The following SCP2 variants were observed in gnomAD, a reference collection of about 807,000 sequenced individuals.
The protein encoded by SCP2 is SCP-2/3-oxoacyl-CoA thiolase.
Under a neutral mutation model 71.4 loss-of-function variants are expected in SCP2, and 48 were observed. That is an observed-to-expected ratio of 0.67 (90% CI 0.53 to 0.86). SCP2 has a LOEUF of 0.86. Among genes scored for constraint, SCP2 ranks in the 40% least tolerant of loss-of-function variants. SCP2 has a pLI of 0.00. For missense variants in SCP2, 560 were observed against 655.6 expected, an observed-to-expected ratio of 0.85 and a Z score of 1.59; for synonymous variants, 220 against 218.1, an observed-to-expected ratio of 1.01 and a Z score of -0.08.
chr1:53,041,971 A>T (rs1663468603), intron 14 of SCP2, among the ~76,000 whole-genome samples: 3 of 144,902 alleles, frequency 2.1e-5, no homozygotes, highest in Admixed American at 2.0e-4. Context: ...GTCCGGAGAA[A>T]AAGTGAAGAG....
chr1:53,042,667 A>T (rs1020066429), intron 14 of SCP2, among the ~76,000 whole-genome samples: 2 of 152,208 alleles, frequency 1.3e-5, no homozygotes, highest in Non-Finnish European at 1.5e-5. Context: ...TTTGTTAGAG[A>T]TTAGCTACAT....
At position 53,050,711 on chromosome 1, in the gene SCP2, C is replaced by A. The variant is rs10888761; in HGVS notation, c.*7C>A. On this transcript the variant is annotated 3_prime_UTR_variant, in exon 16 of 16. Transcript: ENST00000371514. ...AGGCAACGCTAAGCTCTGAAGAACT[C>A]CCTTTGGCTACTTTTGAAAATCAAG... 16,376 of 1,582,212 alleles carry A rather than the reference C, an allele frequency of 0.01. 1,325 individuals are homozygous for A. The African/African-American group carries it at 0.19, about 18-fold the overall frequency.
At position 53,014,891 on chromosome 1, in the gene SCP2, T is replaced by A. The variant is rs1428841236; in HGVS notation, c.1083T>A (p.Gly361=). 1.9e-6 allele frequency: 3 copies of A among 1,612,752 alleles called. No homozygotes were observed. In the Admixed American group the frequency reaches 5.0e-5, roughly 27 times the overall value. ...AGTGCTCTGTGTTCGATTTGTTAGGTCTTGCTCAGTGTGCAGAACTCTGCT... is the reference window on the plus strand; with the variant it reads ...AGTGCTCTGTGTTCGATTTGTTAGGACTTGCTCAGTGTGCAGAACTCTGCT... ...ISKGHPLGAT[G]LAQCAELCWQ... is the part of the protein sequence containing the mutation. The change falls in exon 12 of 16, where the codon GGT becomes GGA. Residue 361 remains glycine, a splice_region_variant and synonymous_variant. Transcript: ENST00000371514.
chr1:53,041,848 A>G (rs751432837), intron 14 of SCP2, among the ~76,000 whole-genome samples: 3 of 152,198 alleles, frequency 2.0e-5, no homozygotes, highest in Non-Finnish European at 4.4e-5. Flanking sequence ...GGTTACCTCT[A>G]GTAAGAAGGG....
At chr1:53,035,877 G>T (rs1405178176) in intron 13 of SCP2, among the ~76,000 whole-genome samples, 1 of 151,884 alleles carries the variant, frequency 6.6e-6, no homozygotes, top group Non-Finnish European at 1.5e-5. Context: ...AAAATTAGCC[G>T]GGCGTGGTAG....
chr1:52,958,878 G>A (rs891087288), intron 5 of SCP2, among the ~76,000 whole-genome samples: 1 of 151,762 alleles, frequency 6.6e-6, no homozygotes, highest in Non-Finnish European at 1.5e-5. Context: ...TTTTGTTAAG[G>A]ATTTTTGTGT....
At chr1:52,930,490 G>A (rs1220489902) in intron 1 of SCP2, among the ~76,000 whole-genome samples, 1 of 152,032 alleles carries the variant, frequency 6.6e-6, no homozygotes, top group East Asian at 1.9e-4. Flanking sequence ...GCTGGGCTTA[G>A]TGGCGCACAC....
chr1:52,962,062 C>T (rs575517290), intron 6 of SCP2, among the ~76,000 whole-genome samples: 4 of 152,034 alleles, frequency 2.6e-5, no homozygotes, highest in Non-Finnish European at 1.5e-5. Flanking sequence ...CCACCATGTT[C>T]GGCTAATTTT....
chr1:52,999,493 A>C (rs988426547), intron 11 of SCP2, among the ~76,000 whole-genome samples: 9 of 152,202 alleles, frequency 5.9e-5, no homozygotes, highest in Admixed American at 2.0e-4. Context: ...ATTAGCTTTA[A>C]AAATTAAAGC....
intron 12 of SCP2, among the ~76,000 whole-genome samples, chr1:53,021,154 A>G (rs963423988): frequency 2.6e-5 from 4 of 151,850 alleles, no homozygotes; most frequent in African/African-American, 9.7e-5. Context: ...CCACAGGCAC[A>G]CACCGTCATG....
Position 53,038,954 on chromosome 1 carries a change from T to C in SCP2, c.1376T>C (p.Phe459Ser), listed in dbSNP as rs772468925. 6.2e-7 allele frequency: 1 copy of C among 1,614,162 alleles called. No individual in the cohort carries two copies. The highest frequency in any genetic ancestry group is 2.2e-5 in the East Asian group (1 of 44,886). Reference protein sequence around the residue: ...EQFVKKIGGIFAFKVKDGPGG... With the variant: ...EQFVKKIGGISAFKVKDGPGG... ...TTTGTGAAGAAAATCGGTGGTATTT[T>C]TGCCTTCAAGGTGAAAGATGGCCCT... Residue 459 changes from phenylalanine (F) to serine (S), a missense_variant, in exon 14 of 16, where the codon TTT becomes TCT. Transcript: ENST00000371514.
chr1:52,998,642 G>A (rs1660100156), intron 11 of SCP2, among the ~76,000 whole-genome samples: 2 of 152,158 alleles, frequency 1.3e-5, no homozygotes, highest in South Asian at 4.1e-4. Flanking sequence ...CCATACTTTT[G>A]CAGGTATATC....
At chr1:53,003,222 CTTT>C (rs1158489646) in intron 11 of SCP2, among the ~76,000 whole-genome samples, 1 of 152,082 alleles carries the variant, frequency 6.6e-6, no homozygotes. Flanking sequence ...TATTTCTTTT[CTTT>C]TTTTATTTTT....
chr1:53,015,751 TG>T, intron 12 of SCP2, among the ~76,000 whole-genome samples: 1 of 152,300 alleles, frequency 6.6e-6, no homozygotes, highest in South Asian at 2.1e-4. Context: ...TTGCCTTAAT[TG>T]TTGTTGTTCA....
At chr1:52,993,616 A>G in intron 11 of SCP2, 1 of 1,612,384 alleles carries the variant, frequency 6.2e-7, no homozygotes, top group Non-Finnish European at 8.5e-7. Context: ...TATCCAAAAT[A>G]TCTAGCCGGG....
At chr1:52,976,241 A>G (rs1408447872) in intron 7 of SCP2, among the ~76,000 whole-genome samples, 1 of 152,022 alleles carries the variant, frequency 6.6e-6, no homozygotes, top group Non-Finnish European at 1.5e-5. Flanking sequence ...AGCATGCTAG[A>G]TTAAATCACT....
At chr1:52,947,039 C>T (rs12080553) in intron 2 of SCP2, among the ~76,000 whole-genome samples, 2 of 136,120 alleles carry the variant, frequency 1.5e-5, no homozygotes, top group African/African-American at 5.5e-5. Flanking sequence ...CCAGCCTGGG[C>T]GACAGAGCAA....
chr1:52,983,941 CA>C (rs1658739527), intron 10 of SCP2, among the ~76,000 whole-genome samples: 1 of 152,188 alleles, frequency 6.6e-6, no homozygotes, highest in South Asian at 2.1e-4. Context: ...TTTGTTTTAG[CA>C]AGCATTTAAG....
intron 5 of SCP2, among the ~76,000 whole-genome samples, chr1:52,958,278 T>G (rs1656008887): frequency 6.6e-6 from 1 of 150,880 alleles, no homozygotes; most frequent in East Asian, 1.9e-4. Flanking sequence ...CAGGCTGGAG[T>G]GGAGTGCGGT....
Sources: allele counts gnomAD v4.1 joint callset (sites outside exome capture counted in the v4.1 genomes callset), GRCh38; gene constraint gnomAD v4.1.1; transcripts MANE v1.5; gene names NCBI Gene and HGNC (gene_info 2026-07-23, HGNC 2026-07-21).